Variants in SLC39A5 observed in about 807,000 individuals in gnomAD.
SLC39A5 encodes the protein solute carrier family 39 member 5.
In SLC39A5, 42 loss-of-function variants were observed where a neutral mutation model predicts 46.9. The ratio of observed to expected loss-of-function variants is 0.90; its 90% CI spans 0.70 to 1.16. The LOEUF is 1.16. SLC39A5 is among the 50% of genes most tolerant of loss of function. The probability of loss-of-function intolerance (pLI) is 0.00; values close to 1 mark genes in which losing one functional copy is unlikely to be tolerated. For synonymous variants in SLC39A5, 311 were observed against 323.1 expected (o/e 0.96, Z 0.40); for missense variants, 677 against 686.8 (o/e 0.99, Z 0.16).
Position 56,232,723 on chromosome 12 carries a change from G to T in SLC39A5, c.322G>T (p.Ala108Ser). 6.2e-7 allele frequency: 1 copy of T among 1,611,274 alleles called. No individual in the cohort carries two copies. Residue 108 changes from alanine (A) to serine (S), a missense_variant, in exon 5 of 13, where the codon GCA becomes TCA. Ala to Ser is a moderately conservative substitution (Grantham distance 99). Coordinates refer to ENST00000454355, the MANE Select transcript of SLC39A5 (RefSeq NM_173596.3). ...QNPELSVDVW[A>S]GMPLGPSGWG... The stretch of plus-strand genomic sequence containing the variant: ...CCCTGAGCTGAGTGTGGATGTCTGG[G>T]CAGGGATGCCTCTGGGTCCCTCAGG...
chr12:56,232,845 C>T lies in SLC39A5; in HGVS notation c.444C>T (p.His148=), dbSNP rs776817567. ...DLLHRLLLLD[H]SLADHLNEDC... The stretch of plus-strand genomic sequence containing the variant: ...TTCACAGGCTTCTGTTGCTGGACCA[C>T]TCATTGGCTGACCACCTGAATGAGG... The change falls in exon 5 of 13, where the codon CAC becomes CAT. Residue 148 remains histidine, a synonymous_variant. Transcript: ENST00000454355. 2 of 1,612,370 alleles carry T rather than the reference C, an allele frequency of 1.2e-6. No homozygotes were observed. Among genetic ancestry groups the T allele is most frequent in the Non-Finnish European group, 1.7e-6 (2 of 1,179,318 alleles).
chr12:56,235,422 T>A, intron 7 of SLC39A5, 96 bp downstream of exon 7: 1 of 1,507,330 alleles, frequency 6.6e-7, no homozygotes, highest in Non-Finnish European at 8.8e-7. Context: ...AGCTCCCATA[T>A]CCTACTCCCA....
intron 3 of SLC39A5, 27 bp from the exon 4 acceptor site, chr12:56,231,168 CAGAGCGCAG>C (rs1849000213): frequency 7.8e-7 from 1 of 1,277,256 alleles, no homozygotes. Flanking sequence ...AGCTGGAGAG[CAGAGCGCAG>C]CTCCAGCCCA....
chr12:56,236,345 G>A, intron 8 of SLC39A5, 51 bp from the exon 9 acceptor site: 1 of 1,560,848 alleles, frequency 6.4e-7, no homozygotes, highest in Non-Finnish European at 8.8e-7. Flanking sequence ...CTTCCCCTTA[G>A]TCCCTGGCTC....
intron 4 of SLC39A5, among the ~76,000 whole-genome samples, chr12:56,232,448 G>A (rs1870317861): frequency 6.6e-6 from 1 of 152,180 alleles, no homozygotes; most frequent in South Asian, 2.1e-4. Context: ...TTACAGGCGT[G>A]AGCCACCGTG....
In SLC39A5 at chr12:56,237,251, G is replaced by T. The variant is rs754143279; in HGVS notation, c.1390G>T (p.Val464Leu). Residue 464 changes from valine to leucine, a missense_variant, in exon 12 of 13, where the codon GTG (valine) becomes TTG (leucine). Val to Leu is a conservative substitution (Grantham distance 32). Transcript: ENST00000454355. Reference protein sequence around the residue: ...ALGLGGAVLGVGLSLGPVPLT... With the variant: ...ALGLGGAVLGLGLSLGPVPLT... ...GGGATTGGGGGGTGCAGTCCTGGGGGTGGGGCTCAGCCTGGGCCCTGTCCC... is the reference window on the plus strand; with the variant it reads ...GGGATTGGGGGGTGCAGTCCTGGGGTTGGGGCTCAGCCTGGGCCCTGTCCC... 1.2e-6 allele frequency: 2 copies of T among 1,613,914 alleles called. No homozygotes were observed. Among genetic ancestry groups the T allele is most frequent in the African/African-American group, 1.3e-5 (1 of 75,018 alleles).
intron 1 of SLC39A5, 48 bp downstream of exon 1, chr12:56,230,170 G>A (rs1322757162): frequency 1.3e-5 from 2 of 152,724 alleles, no homozygotes; most frequent in Non-Finnish European, 2.9e-5. Context: ...ATCAGACTTT[G>A]CTTGCCTGAT....
intron 2 of SLC39A5, chr12:56,230,592 T>C (rs1201354039): frequency 1.3e-5 from 2 of 152,272 alleles, no homozygotes; most frequent in Non-Finnish European, 2.9e-5. Context: ...GGGCAGAGGG[T>C]GGCCCCTCCC....
intron 5 of SLC39A5, among the ~76,000 whole-genome samples, chr12:56,233,812 T>TC (rs1248824383): frequency 6.6e-6 from 1 of 152,208 alleles, no homozygotes; most frequent in African/African-American, 2.4e-5. Flanking sequence ...TGGATGAACA[T>TC]CGACAGGGCT....
intron 4 of SLC39A5, 36 bp from the exon 5 acceptor site, chr12:56,232,653 A>G: frequency 6.4e-7 from 1 of 1,561,474 alleles, no homozygotes; most frequent in Non-Finnish European, 8.6e-7. Flanking sequence ...GATAGAGAAC[A>G]CAAGGGAGGC....
At position 56,232,672 on chromosome 12, in the gene SLC39A5, T is replaced by C. The variant is rs1870339711; in HGVS notation, c.288-17T>C. On this transcript the variant is annotated splice_polypyrimidine_tract_variant and intron_variant, in intron 4 of 12. Transcript: ENST00000454355. ...GAGAACACAAGGGAGGCTGACTTGC[T>C]GTCTCATCCATTCCAGGCCACAGAA... 11 of 1,576,648 alleles carry C rather than the reference T, an allele frequency of 7.0e-6. No homozygotes were observed. Among genetic ancestry groups the C allele is most frequent in the Non-Finnish European group, 9.4e-6 (11 of 1,166,962 alleles).
At position 56,236,530 on chromosome 12, in the gene SLC39A5, C is replaced by T. The variant is rs1244879329; in HGVS notation, c.1042+38C>T. On this transcript the variant is annotated intron_variant, in intron 9 of 12. Transcript: ENST00000454355. ...GAAAATTTGAAGAGTAGGTTCCAAG[C>T]TCACAGTCCTTACTTGCAGCCACCA... 8 of 1,614,076 alleles carry T rather than the reference C, an allele frequency of 5.0e-6. No individual in the cohort carries two copies. In the Admixed American group the frequency reaches 1.2e-4, roughly 24 times the overall value.
chr12:56,234,490 A>G (rs185565454), intron 5 of SLC39A5, among the ~76,000 whole-genome samples: 53 of 151,508 alleles, frequency 3.5e-4, no homozygotes, highest in Middle Eastern at 3.4e-3. Context: ...AATTTTTTGT[A>G]TTTTAGTAGA....
rs1870679053 is a variant in SLC39A5, at chr12:56,235,678, T to C, written c.923T>C (p.Leu308Ser). Residue 308 changes from leucine (L) to serine (S), a missense_variant, in exon 8 of 13, where the codon TTG becomes TCG. Transcript: ENST00000454355. ...LFVLENMLGL[L>S]RHRGLRPRCC... ...GTGCTGGAGAACATGCTGGGGCTTT[T>C]GCGGCACCGAGGGCTCAGGCCAGTG... is the stretch of plus-strand genomic sequence containing the variant. 1.2e-6 allele frequency: 2 copies of C among 1,613,922 alleles called. No individual in the cohort carries two copies. Among genetic ancestry groups the C allele is most frequent in the African/African-American group, 1.3e-5 (1 of 74,912 alleles).
At chr12:56,235,726 T>C in intron 8 of SLC39A5, 26 bp downstream of exon 8, 14 of 1,612,910 alleles carry the variant, frequency 8.7e-6, no homozygotes, top group South Asian at 1.1e-5. Flanking sequence ...TTCTCCTCCT[T>C]CTGCTGAGAC....
intron 5 of SLC39A5, among the ~76,000 whole-genome samples, chr12:56,234,098 C>T (rs868845810): frequency 9.9e-5 from 15 of 151,938 alleles, no homozygotes; most frequent in Admixed American, 1.3e-4. Context: ...CAAAGGGGAC[C>T]CTGGGAGAGA....
rs1040287093 is a variant in SLC39A5 at position 56,231,313 on chromosome 12, C to G, written c.39C>G (p.Phe13Leu). The change falls in exon 4 of 13, where the codon TTC becomes TTG. Residue 13 changes from phenylalanine to leucine, a missense_variant. Physicochemically the swap from Phe to Leu is conservative, Grantham distance 22. Transcript: ENST00000454355. ...CAGTGAGTCATCTGCTGGCCGGCTT[C>G]TGTGTGTGGGTCGTCTTGGGCTGGG... Reference protein sequence around the residue: ...GSPVSHLLAGFCVWVVLGWVG... With the variant: ...GSPVSHLLAGLCVWVVLGWVG... 2.0e-5 allele frequency: 32 copies of G among 1,612,158 alleles called. No individual in the cohort carries two copies. The highest frequency in any genetic ancestry group is 8.9e-5 in the East Asian group (4 of 44,870).
intron 12 of SLC39A5, 68 bp from the exon 13 acceptor site, chr12:56,237,520 A>C: frequency 1.9e-6 from 3 of 1,605,356 alleles, no homozygotes; most frequent in Non-Finnish European, 2.6e-6. Flanking sequence ...ATGCTTTCTG[A>C]CACCATTCCT....
In SLC39A5 at chr12:56,236,980, G is replaced by A. The variant is rs17118409; in HGVS notation, c.1257G>A (p.Ala419=). The A allele has an allele frequency of 0.059, 94,693 of 1,613,994 alleles. 3,200 individuals carry two copies. Among genetic ancestry groups the A allele is most frequent in the Non-Finnish European group, 0.067 (79,086 of 1,179,944 alleles). ...GFSSGLSTTL[A]VFCHELPHEL... The stretch of plus-strand genomic sequence containing the variant: ...CCAGCGGCCTCAGTACCACCTTAGC[G>A]GTCTTCTGCCATGAGCTGCCCCACG... Residue 419 remains alanine, a synonymous_variant, in exon 11 of 13, where the codon GCG becomes GCA. Transcript: ENST00000454355.
Sources: allele counts gnomAD v4.1 joint callset (sites outside exome capture counted in the v4.1 genomes callset), GRCh38; gene constraint gnomAD v4.1.1; transcripts MANE v1.5; gene names NCBI Gene and HGNC (gene_info 2026-07-23, HGNC 2026-07-21).